Variants in GIGYF2 observed in about 807,000 individuals in gnomAD.
GIGYF2 encodes the protein GRB10 interacting GYF protein 2, also known as GRB10-interacting GYF protein 2.
Under a neutral mutation model 208.1 loss-of-function variants are expected in GIGYF2, and 25 were observed. The observed-to-expected ratio is 0.12, with a 90% CI of 0.09 to 0.17. GIGYF2 has a LOEUF of 0.17. Ranked by LOEUF, GIGYF2 falls within the 10% of genes least tolerant of loss-of-function variation. GIGYF2 has a pLI of 1.00. For missense variants in GIGYF2, 1,302 were observed against 1,579.4 expected (o/e 0.82, Z 2.98); for synonymous variants, 534 against 543.8 (o/e 0.98, Z 0.25).
intron 3 of GIGYF2, among the ~76,000 whole-genome samples, chr2:232,745,397 T>A (rs1017530183): frequency 6.6e-6 from 1 of 152,110 alleles, no homozygotes; most frequent in African/African-American, 2.4e-5. Flanking sequence ...TGAAGACTGC[T>A]AGGGTCATGT....
intron 14 of GIGYF2, among the ~76,000 whole-genome samples, chr2:232,799,442 C>G (rs370950389): frequency 1.3e-5 from 2 of 151,278 alleles, no homozygotes; most frequent in African/African-American, 4.9e-5. Context: ...CCCAACTACT[C>G]AGGAGACTGA....
At chr2:232,736,224 A>G in intron 3 of GIGYF2, 5 of 903,456 alleles carry the variant, frequency 5.5e-6, no homozygotes, top group East Asian at 1.2e-4. Context: ...TATTTAGAAC[A>G]TGTTAACCTA....
chr2:232,805,274 T>G (rs1255059696), intron 14 of GIGYF2, among the ~76,000 whole-genome samples: 1 of 152,240 alleles, frequency 6.6e-6, no homozygotes, highest in Non-Finnish European at 1.5e-5. Flanking sequence ...TTGCAGATTT[T>G]CTGCTAGTTG....
chr2:232,813,878 T>A (rs1208109525), intron 18 of GIGYF2, among the ~76,000 whole-genome samples: 1 of 133,040 alleles, frequency 7.5e-6, no homozygotes, highest in African/African-American at 2.8e-5. Flanking sequence ...ATTTCACAAG[T>A]GGATTTTTTT....
chr2:232,735,829 T>TC (rs1200141760), intron 3 of GIGYF2: 7 of 985,116 alleles, frequency 7.1e-6, no homozygotes, highest in African/African-American at 1.7e-5. Flanking sequence ...TAGTGTGGCT[T>TC]CCCCCCCTCC....
intron 3 of GIGYF2, among the ~76,000 whole-genome samples, chr2:232,742,811 C>G (rs1223425573): frequency 6.6e-6 from 1 of 151,970 alleles, no homozygotes. Context: ...ATTGGGATGT[C>G]CTTAACTATG....
At chr2:232,811,465 C>T (rs1052840674) in intron 17 of GIGYF2, 114 bp downstream of exon 17, 3 of 727,376 alleles carry the variant, frequency 4.1e-6, no homozygotes, top group African/African-American at 1.7e-5. Context: ...ACTCCCAACA[C>T]ATACCTGCAT....
chr2:232,819,786 A>AGGGGGGGGGGGGGGGGGGGGGGGGGG, intron 20 of GIGYF2, 41 bp from the exon 21 acceptor site: 1 of 413,094 alleles, frequency 2.4e-6, no homozygotes, highest in Non-Finnish European at 4.7e-6. Context: ...GATAGACCTG[A>AGGGGGGGGGGGGGGGGGGGGGGGGGG]GTCCCTCCCC....
At chr2:232,769,464 G>A (rs1232527877) in intron 8 of GIGYF2, among the ~76,000 whole-genome samples, 2 of 135,892 alleles carry the variant, frequency 1.5e-5, no homozygotes, top group Admixed American at 1.7e-4. Context: ...CAAGTTTGTA[G>A]CACTGCACTC....
chr2:232,728,950 T>G (rs6724117), intron 2 of GIGYF2, among the ~76,000 whole-genome samples: 48,001 of 151,832 alleles, frequency 0.32, 7,947 homozygotes, highest in South Asian at 0.62. Flanking sequence ...TTCCTTTTCC[T>G]TTTCTCTTTC....
At chr2:232,809,006 G>A (rs141982533) in intron 15 of GIGYF2, among the ~76,000 whole-genome samples, 3,435 of 152,094 alleles carry the variant, frequency 0.023, 137 homozygotes, top group African/African-American at 0.078. Flanking sequence ...GTGCAGTGGC[G>A]CAGTCTAGGC....
At chr2:232,851,679 C>G (rs901759505) in intron 28 of GIGYF2, among the ~76,000 whole-genome samples, 1 of 152,196 alleles carries the variant, frequency 6.6e-6, no homozygotes, top group African/African-American at 2.4e-5. Flanking sequence ...CTTGGCCTCC[C>G]AAAGTGCTGG....
At chr2:232,793,806 A>T (rs1700142265) in intron 12 of GIGYF2, among the ~76,000 whole-genome samples, 1 of 152,158 alleles carries the variant, frequency 6.6e-6, no homozygotes, top group South Asian at 2.1e-4. Context: ...GAGTGCAGGG[A>T]AACTAAGGAA....
At chr2:232,776,084 T>C (rs1422342856) in intron 8 of GIGYF2, among the ~76,000 whole-genome samples, 1 of 152,194 alleles carries the variant, frequency 6.6e-6, no homozygotes, top group Admixed American at 6.5e-5. Context: ...GGCATTTGTT[T>C]TTTTATGCTC....
Position 232,791,296 on chromosome 2 carries a change from G to C in GIGYF2, c.1132G>C (p.Ala378Pro). 1.2e-6 allele frequency: 2 copies of C among 1,614,038 alleles called. No individual in the cohort carries two copies. Among genetic ancestry groups the C allele is most frequent in the Non-Finnish European group, 1.7e-6 (2 of 1,179,946 alleles). Residue 378 changes from alanine to proline, a missense_variant, in exon 12 of 29, where the codon GCT becomes CCT. Transcript: ENST00000373563. ...EETPQTSSSS[A>P]RPGTPSDHQS... Reference sequence around the variant, plus strand: ...AACTCCCCAGACCTCATCATCATCTGCTAGACCAGGTACTCCTTCAGACCA... The same window carrying C: ...AACTCCCCAGACCTCATCATCATCTCCTAGACCAGGTACTCCTTCAGACCA...
intron 28 of GIGYF2, among the ~76,000 whole-genome samples, chr2:232,856,019 C>T (rs774194380): frequency 1.3e-5 from 2 of 151,988 alleles, no homozygotes; most frequent in Admixed American, 6.6e-5. Flanking sequence ...CAAGCTCCTT[C>T]GACCAGGTTC....
chr2:232,850,540 A>T, intron 28 of GIGYF2, 131 bp downstream of exon 28: 3 of 911,662 alleles, frequency 3.3e-6, no homozygotes, highest in Non-Finnish European at 5.3e-6. Flanking sequence ...TAATGTTTTA[A>T]CTGGTTCAAA....
rs753598672 is a variant in GIGYF2, at chr2:232,850,306, T to G, written c.3729T>G (p.Phe1243Leu). 2 of 1,613,638 alleles carry G rather than the reference T, an allele frequency of 1.2e-6. No homozygotes were observed. The highest frequency in any genetic ancestry group is 2.2e-5 in the East Asian group (1 of 44,882). The change falls in exon 28 of 29, where the codon TTT becomes TTG. Residue 1243 changes from phenylalanine to leucine, a missense_variant. By Grantham distance (22) the Phe-to-Leu change is conservative (BLOSUM62 0). This residue lies in a region of GIGYF2 where 701 missense variants were observed against 793.0 expected (regional missense o/e 0.88). Coordinates refer to ENST00000373563, the MANE Select transcript of GIGYF2 (RefSeq NM_001103146.3). ...ACCACAGTACACTCCATTCAGTATT[T>G]CAGACCAATCAAAGCAACAACCAAC... is the stretch of plus-strand genomic sequence containing the variant. Reference protein sequence around the residue: ...GMNHSTLHSVFQTNQSNNQQS... With the variant: ...GMNHSTLHSVLQTNQSNNQQS...
chr2:232,811,266 G>A lies in GIGYF2; in HGVS notation c.1921G>A (p.Ala641Thr). Reference sequence around the variant, plus strand: ...AAGACAACAATATGCACAGGTTTTGGCCCAACAGCAGAAAGCAGCACTGTC... The same window carrying A: ...AAGACAACAATATGCACAGGTTTTGACCCAACAGCAGAAAGCAGCACTGTC... ...LIQQQYAQVL[A>T]QQQKAALSSQ... Residue 641 changes from alanine (A) to threonine (T), a missense_variant, in exon 17 of 29, where the codon GCC becomes ACC. Coordinates refer to ENST00000373563, the MANE Select transcript of GIGYF2 (RefSeq NM_001103146.3). 2.5e-6 allele frequency: 4 copies of A among 1,608,944 alleles called. No individual in the cohort carries two copies. Among genetic ancestry groups the A allele is most frequent in the Non-Finnish European group, 3.4e-6 (4 of 1,175,604 alleles).
Sources: allele counts gnomAD v4.1 joint callset (sites outside exome capture counted in the v4.1 genomes callset), GRCh38; gene constraint gnomAD v4.1.1; regional missense constraint gnomAD v4.1.1; transcripts MANE v1.5; gene names NCBI Gene and HGNC (gene_info 2026-07-23, HGNC 2026-07-21).